SLCO5A1: variants seen among roughly 807,000 people sequenced by gnomAD.
The protein encoded by SLCO5A1 is solute carrier organic anion transporter family member 5A1.
Under a neutral mutation model 65.1 loss-of-function variants are expected in SLCO5A1, and 39 were observed. The observed-to-expected ratio is 0.60, with a 90% CI of 0.46 to 0.78. The LOEUF is 0.78. Ranked by LOEUF, SLCO5A1 falls within the 30% of genes least tolerant of loss-of-function variation. The probability of loss-of-function intolerance (pLI) is 0.00; values close to 1 mark genes in which losing one functional copy is unlikely to be tolerated. For synonymous variants in SLCO5A1, 438 were observed against 415.7 expected, an observed-to-expected ratio of 1.05 and a Z score of -0.65; for missense variants, 1,029 against 1,069.4, an observed-to-expected ratio of 0.96 and a Z score of 0.53.
chr8:69,763,917 T>C (rs1051374238), intron 2 of SLCO5A1, among the ~76,000 whole-genome samples: 1 of 151,924 alleles, frequency 6.6e-6, no homozygotes, highest in African/African-American at 2.4e-5. Context: ...CAGGCTGGAG[T>C]ACAGTGGTGT....
chr8:69,817,193 T>G (rs1157368437), intron 2 of SLCO5A1, among the ~76,000 whole-genome samples: 11 of 152,198 alleles, frequency 7.2e-5, no homozygotes, highest in Admixed American at 7.2e-4. Flanking sequence ...CAACAACTAT[T>G]CTACTTTTTG....
At position 69,727,913 on chromosome 8, in the gene SLCO5A1, G is replaced by A. The variant is rs144032648; in HGVS notation, c.1423+10127C>T. On this transcript the variant is annotated intron_variant, in intron 5 of 9. Coordinates refer to ENST00000260126, the MANE Select transcript of SLCO5A1 (RefSeq NM_030958.3). ...AATCAGCTTCTCTGCCAGCGCAAAC[G>A]CAAACTACATGCTGGGCAATCAGAT... Among the ~76,000 whole-genome samples, 472 of 152,260 alleles carry A rather than the reference G, an allele frequency of 3.1e-3. 5 individuals carry two copies. The highest frequency in any genetic ancestry group is 0.011 in the African/African-American group (440 of 41,560).
intron 2 of SLCO5A1, among the ~76,000 whole-genome samples, chr8:69,789,450 G>A (rs1218449926): frequency 6.6e-6 from 1 of 152,212 alleles, no homozygotes; most frequent in African/African-American, 2.4e-5. Context: ...AAGACAGTAA[G>A]GGTCTTCTAT....
At chr8:69,717,541 A>G (rs570424979) in intron 5 of SLCO5A1, among the ~76,000 whole-genome samples, 1 of 152,150 alleles carries the variant, frequency 6.6e-6, no homozygotes, top group African/African-American at 2.4e-5. Context: ...GAGTCCTCCA[A>G]CTTTGTTCTT....
rs1734076757 is a variant in SLCO5A1 at position 69,832,179 on chromosome 8, G to A, written c.495C>T (p.Ser165=). ...AGCAGCTGACCAGCAGCCCCGACTC[G>A]GAACTCTTCAGACTGTAGCGCCTTT... ...TIERRYSLKS[S]ESGLLVSCFD... The change falls in exon 2 of 10, where the codon TCC becomes TCT. Residue 165 remains serine, a synonymous_variant. Coordinates refer to ENST00000260126, the MANE Select transcript of SLCO5A1 (RefSeq NM_030958.3). This position sits in a 1 kb window ranked among gnomAD's most constrained non-coding sequence, Gnocchi z 4.5. The A allele has an allele frequency of 1.9e-6, 3 of 1,614,042 alleles. No individual in the cohort carries two copies. Among genetic ancestry groups the A allele is most frequent in the African/African-American group, 1.3e-5 (1 of 74,904 alleles).
At chr8:69,723,534 A>G (rs1423524232) in intron 5 of SLCO5A1, among the ~76,000 whole-genome samples, 1 of 152,224 alleles carries the variant, frequency 6.6e-6, no homozygotes, top group Non-Finnish European at 1.5e-5. Flanking sequence ...TACAAACATG[A>G]GCCACCATGC....
intron 4 of SLCO5A1, among the ~76,000 whole-genome samples, chr8:69,743,569 C>T (rs1049285893): frequency 6.6e-6 from 1 of 152,170 alleles, no homozygotes; most frequent in East Asian, 1.9e-4. Context: ...ATCATCTTTT[C>T]AAGTGGGCAG....
chr8:69,679,475 G>A lies in SLCO5A1; in HGVS notation c.1927C>T (p.Arg643Trp), dbSNP rs757213198. The change falls in exon 8 of 10, where the codon CGG (arginine) becomes TGG (tryptophan). Residue 643 changes from arginine (R) to tryptophan (W), a missense_variant. This residue lies in a region of SLCO5A1 where 124 missense variants were observed against 184.5 expected (regional missense o/e 0.67). Coordinates refer to ENST00000260126, the MANE Select transcript of SLCO5A1 (RefSeq NM_030958.3). ...AATGGGATAAGAGTATTGCAGGTCC[G>A]TTTACATTTCCCAGACACAGCATAG... The part of the protein sequence containing the change: ...NGYAVSGKCK[R>W]TCNTLIPFLV... The A allele has an allele frequency of 5.5e-5, 88 of 1,614,084 alleles. No homozygotes were observed. The highest frequency in any genetic ancestry group is 6.7e-5 in the Non-Finnish European group (79 of 1,180,052).
intron 2 of SLCO5A1, among the ~76,000 whole-genome samples, chr8:69,763,018 T>A (rs547052893): frequency 4.1e-4 from 63 of 152,298 alleles, no homozygotes; most frequent in African/African-American, 1.4e-3. Flanking sequence ...GCCATCAAAA[T>A]GGGCATATAG....
At chr8:69,788,639 A>G (rs1227084984) in intron 2 of SLCO5A1, among the ~76,000 whole-genome samples, 2 of 152,174 alleles carry the variant, frequency 1.3e-5, no homozygotes, top group Non-Finnish European at 2.9e-5. Context: ...TCTCCAGTAA[A>G]CAATTCACTC....
At chr8:69,770,364 G>A (rs1818266928) in intron 2 of SLCO5A1, among the ~76,000 whole-genome samples, 1 of 152,182 alleles carries the variant, frequency 6.6e-6, no homozygotes, top group Non-Finnish European at 1.5e-5. Flanking sequence ...GGAAGCCGAA[G>A]TGGGACGATC....
chr8:69,746,962 C>A (rs1422882919), intron 4 of SLCO5A1, among the ~76,000 whole-genome samples: 1 of 152,130 alleles, frequency 6.6e-6, no homozygotes, highest in South Asian at 2.1e-4. Flanking sequence ...ACACACTTCA[C>A]CTGTCCTAAA....
rs749599193 is a variant in SLCO5A1 at position 69,832,484 on chromosome 8, C to T, written c.190G>A (p.Val64Met). The T allele has an allele frequency of 2.5e-6, 4 of 1,612,008 alleles. No individual in the cohort carries two copies. The East Asian group carries it at 8.9e-5, about 36-fold the overall frequency. The part of the protein sequence containing the change: ...SGDANPAFGC[V>M]DSSGHQELKQ... ...AACTCCTGGTGGCCCGAAGAATCCA[C>T]ACAGCCAAAGGCCGGGTTGGCGTCT... Residue 64 changes from valine to methionine, a missense_variant, in exon 2 of 10, where the codon GTG (valine) becomes ATG (methionine). Around this residue, in one of 3 missense-constraint regions of SLCO5A1, gnomAD observed 647 missense variants for 647.5 expected, o/e 1.00. Transcript: ENST00000260126. The surrounding 1 kb of genome is among the most constrained non-coding windows in gnomAD (Gnocchi z 4.5).
chr8:69,766,870 C>T (rs916472018), intron 2 of SLCO5A1, among the ~76,000 whole-genome samples: 3 of 152,186 alleles, frequency 2.0e-5, no homozygotes, highest in Admixed American at 1.3e-4. Context: ...AGGCACACAG[C>T]CCTCTGCACT....
At chr8:69,796,459 C>A (rs1027955045) in intron 2 of SLCO5A1, among the ~76,000 whole-genome samples, 2 of 151,846 alleles carry the variant, frequency 1.3e-5, no homozygotes, top group Non-Finnish European at 2.9e-5. Context: ...ACTAAAAATA[C>A]AAGAAAATTA....
chr8:69,824,156 T>A (rs1053584566), intron 2 of SLCO5A1, among the ~76,000 whole-genome samples: 2 of 151,914 alleles, frequency 1.3e-5, no homozygotes, highest in African/African-American at 4.8e-5. Context: ...TAGCACTAAA[T>A]GCCCACAAGA....
At chr8:69,749,328 G>C (rs1352424638) in intron 4 of SLCO5A1, among the ~76,000 whole-genome samples, 2 of 152,016 alleles carry the variant, frequency 1.3e-5, no homozygotes, top group Non-Finnish European at 2.9e-5. Context: ...CTAAAGAAAT[G>C]ACCTGTTTCA....
intron 2 of SLCO5A1, among the ~76,000 whole-genome samples, chr8:69,806,703 A>C (rs1256547715): frequency 6.6e-6 from 1 of 152,178 alleles, no homozygotes; most frequent in Non-Finnish European, 1.5e-5. Flanking sequence ...CCTTGGCTCC[A>C]GTTTATTAAT....
intron 2 of SLCO5A1, among the ~76,000 whole-genome samples, chr8:69,828,395 G>A (rs539784009): frequency 6.6e-6 from 1 of 152,218 alleles, no homozygotes; most frequent in Admixed American, 6.5e-5. Flanking sequence ...GAGGTCAGGA[G>A]ATTGAGACCA....
Sources: gnomAD v4.1 joint callset for allele counts (sites outside exome capture counted in the v4.1 genomes callset) on GRCh38, gnomAD v4.1.1 for gene constraint, gnomAD v4.1.1 regional missense constraint, Gnocchi (gnomAD v3.1) non-coding constraint, MANE v1.5 for transcripts, NCBI Gene and HGNC (gene_info 2026-07-23, HGNC 2026-07-21) for gene names.